ADARB2: variants seen among roughly 807,000 people sequenced by gnomAD.
ADARB2 encodes the protein adenosine deaminase RNA specific B2 (inactive), also known as inactive double-stranded RNA-specific editase B2.
Under a neutral mutation model 62.2 loss-of-function variants are expected in ADARB2, and 25 were observed. The observed-to-expected ratio is 0.40, with a 90% CI of 0.29 to 0.56. The LOEUF (loss-of-function observed/expected upper bound fraction) is 0.56, where lower values mean the gene tolerates loss of function less well. Ranked by LOEUF, ADARB2 falls within the 20% of genes least tolerant of loss-of-function variation. The probability of loss-of-function intolerance (pLI) is 0.43; values close to 1 mark genes in which losing one functional copy is unlikely to be tolerated. For missense variants in ADARB2, 1,071 were observed against 1,077.4 expected (o/e 0.99, Z 0.08); for synonymous variants, 572 against 500.8 (o/e 1.14, Z -1.90).
chr10:1,624,838 T>C (rs1011487588), intron 1 of ADARB2, among the ~76,000 whole-genome samples: 1 of 152,162 alleles, frequency 6.6e-6, no homozygotes. Flanking sequence ...AAAGAGAAGA[T>C]GGCTTTTGTG....
chr10:1,608,419 A>C (rs917553820), intron 1 of ADARB2, among the ~76,000 whole-genome samples: 1 of 151,848 alleles, frequency 6.6e-6, no homozygotes, highest in African/African-American at 2.4e-5. Context: ...CTACCACTCT[A>C]TCTTCGGGGA....
chr10:1,450,723 T>TGAGGG (rs1266584513), intron 1 of ADARB2, among the ~76,000 whole-genome samples: 1 of 151,294 alleles, frequency 6.6e-6, no homozygotes, highest in African/African-American at 2.4e-5. Flanking sequence ...GGAAGGGAGG[T>TGAGGG]GAGGGGAGAC....
chr10:1,356,598 G>A (rs1832198200), intron 3 of ADARB2, among the ~76,000 whole-genome samples: 1 of 152,188 alleles, frequency 6.6e-6, no homozygotes, highest in South Asian at 2.1e-4. Flanking sequence ...GGGCTTTCAT[G>A]CTGGCCTTCC....
rs535838711 is a variant in ADARB2, at chr10:1,496,184, GTCA to G, written c.101-117027_101-117025del. On this transcript the variant is annotated intron_variant, in intron 1 of 9. Coordinates refer to ENST00000381312, the MANE Select transcript of ADARB2 (RefSeq NM_018702.4). ...CATAATCATCACCATCATCATCATA[GTCA>G]TCATCACCATAATAAGTATCAACAT... 1.8e-4 allele frequency among the ~76,000 whole-genome samples: 27 copies of G among 149,482 alleles called. No individual in the cohort carries two copies. The East Asian group carries it at 5.1e-3, about 28-fold the overall frequency.
intron 6 of ADARB2, among the ~76,000 whole-genome samples, chr10:1,225,402 C>T (rs1444531718): frequency 6.6e-6 from 1 of 152,062 alleles, no homozygotes; most frequent in Non-Finnish European, 1.5e-5. Flanking sequence ...GAGCATTTAG[C>T]CCATTTACAT....
intron 1 of ADARB2, among the ~76,000 whole-genome samples, chr10:1,653,780 T>A (rs560275467): frequency 1.2e-3 from 180 of 152,354 alleles, no homozygotes; most frequent in African/African-American, 4.2e-3. Context: ...AGACCCTCAA[T>A]AAATGAGTAA....
intron 1 of ADARB2, among the ~76,000 whole-genome samples, chr10:1,580,245 G>A (rs904176232): frequency 1.3e-5 from 2 of 152,158 alleles, no homozygotes; most frequent in Non-Finnish European, 2.9e-5. Context: ...CTGATAGATG[G>A]TTTTTCAATC....
intron 1 of ADARB2, among the ~76,000 whole-genome samples, chr10:1,647,786 G>A (rs547911331): frequency 6.9e-6 from 1 of 144,350 alleles, no homozygotes; most frequent in South Asian, 2.3e-4. Flanking sequence ...GTGTATATAT[G>A]TGTATGCATG....
intron 1 of ADARB2, among the ~76,000 whole-genome samples, chr10:1,574,375 A>G (rs950644012): frequency 2.0e-5 from 3 of 152,158 alleles, no homozygotes; most frequent in African/African-American, 7.2e-5. Flanking sequence ...CGAAAGGTGG[A>G]GTTTTAGGAA....
chr10:1,668,143 C>T (rs1213690136), intron 1 of ADARB2, among the ~76,000 whole-genome samples: 1 of 152,246 alleles, frequency 6.6e-6, no homozygotes, highest in Non-Finnish European at 1.5e-5. Context: ...CAGGCCCTCG[C>T]CCCACCACTC....
chr10:1,582,044 C>T (rs894880121), intron 1 of ADARB2, among the ~76,000 whole-genome samples: 8 of 152,294 alleles, frequency 5.3e-5, no homozygotes, highest in African/African-American at 9.6e-5. Context: ...ACTTGAGGTC[C>T]GAGCAGACCT....
intron 1 of ADARB2, among the ~76,000 whole-genome samples, chr10:1,508,913 C>A (rs895809384): frequency 2.6e-5 from 4 of 152,202 alleles, no homozygotes; most frequent in African/African-American, 4.8e-5. Flanking sequence ...TCTGCGGAGG[C>A]CTTTCCTTCT....
At chr10:1,729,750 C>T (rs1225401550) in intron 1 of ADARB2, among the ~76,000 whole-genome samples, 2 of 152,142 alleles carry the variant, frequency 1.3e-5, no homozygotes, top group Non-Finnish European at 2.9e-5. Context: ...TTGTTTTTAG[C>T]CATAAGAAGA....
intron 1 of ADARB2, among the ~76,000 whole-genome samples, chr10:1,627,040 C>T (rs964547549): frequency 5.3e-5 from 8 of 152,036 alleles, no homozygotes; most frequent in Admixed American, 1.3e-4. Context: ...CCGCTAGCAC[C>T]GCTTTCTGCC....
At chr10:1,437,655 A>T (rs1411473300) in intron 1 of ADARB2, among the ~76,000 whole-genome samples, 1 of 152,228 alleles carries the variant, frequency 6.6e-6, no homozygotes, top group East Asian at 1.9e-4. Context: ...ATCCAAGTGC[A>T]TCTGAGCCCT....
At chr10:1,696,237 TTG>T (rs1478536542) in intron 1 of ADARB2, among the ~76,000 whole-genome samples, 29 of 152,174 alleles carry the variant, frequency 1.9e-4, no homozygotes, top group African/African-American at 3.1e-4. Flanking sequence ...ATATGCATGT[TTG>T]TGTGTGCACA....
At position 1,513,313 on chromosome 10, in the gene ADARB2, C is replaced by T. The variant is rs76944247; in HGVS notation, c.101-134153G>A. Among the ~76,000 whole-genome samples the T allele has an allele frequency of 3.3e-3, 501 of 152,368 alleles. 3 individuals carry two copies. Among genetic ancestry groups the T allele is most frequent in the African/African-American group, 0.012 (479 of 41,584 alleles). ...TAATGACAAAGCGTAACTAGAAACG[C>T]TCCTTGAAGACCCTCAGTGACAAGG... On this transcript the variant is annotated intron_variant, in intron 1 of 9. Coordinates refer to ENST00000381312, the MANE Select transcript of ADARB2 (RefSeq NM_018702.4).
chr10:1,494,346 G>A (rs998108364), intron 1 of ADARB2, among the ~76,000 whole-genome samples: 3 of 152,086 alleles, frequency 2.0e-5, no homozygotes, highest in Non-Finnish European at 4.4e-5. Flanking sequence ...CTGGATTTCT[G>A]TTCTTTATTT....
At chr10:1,670,003 G>T (rs933845442) in intron 1 of ADARB2, among the ~76,000 whole-genome samples, 4 of 152,220 alleles carry the variant, frequency 2.6e-5, no homozygotes, top group Non-Finnish European at 4.4e-5. Context: ...CCATTCACGT[G>T]TGGGTACAGG....
Sources: gnomAD v4.1 joint callset for allele counts (sites outside exome capture counted in the v4.1 genomes callset) on GRCh38, gnomAD v4.1.1 for gene constraint, MANE v1.5 for transcripts, NCBI Gene and HGNC (gene_info 2026-07-23, HGNC 2026-07-21) for gene names.